The following TG variants were observed in gnomAD, a reference collection of about 807,000 sequenced individuals.
TG encodes thyroid hormones.
Under a neutral mutation model 324.7 loss-of-function variants are expected in TG, and 270 were observed. The ratio of observed to expected loss-of-function variants is 0.83; its 90% confidence interval spans 0.75 to 0.92. The LOEUF is 0.92. Ranked by LOEUF, TG falls within the 40% of genes least tolerant of loss-of-function variation. The probability of loss-of-function intolerance (pLI) is 0.00; values close to 1 mark genes in which losing one functional copy is unlikely to be tolerated. For missense variants in TG, 3,591 were observed against 3,456.4 expected (o/e 1.04, Z -0.98); for synonymous variants, 1,401 against 1,327.0 (o/e 1.06, Z -1.21).
chr8:132,900,856 G>A (rs1817819673), intron 15 of TG, among the ~76,000 whole-genome samples: 1 of 152,184 alleles, frequency 6.6e-6, no homozygotes, highest in Non-Finnish European at 1.5e-5. Context: ...GCTTCAGGGT[G>A]CAGTTGTGAT....
intron 37 of TG, among the ~76,000 whole-genome samples, chr8:133,015,354 A>G (rs1834928378): frequency 6.6e-6 from 1 of 152,246 alleles, no homozygotes; most frequent in African/African-American, 2.4e-5. Context: ...ACTTTCACAC[A>G]GACGTTATTT....
At chr8:133,047,577 C>A in intron 41 of TG, 2 of 516,900 alleles carry the variant, frequency 3.9e-6, no homozygotes, top group Non-Finnish European at 3.5e-6. Context: ...GGAAAAATTT[C>A]CAGCAGGAGT....
chr8:133,021,160 C>G (rs1017611075), intron 39 of TG, among the ~76,000 whole-genome samples: 9 of 152,194 alleles, frequency 5.9e-5, no homozygotes, highest in Non-Finnish European at 1.5e-5. Flanking sequence ...CTTCACCTGT[C>G]AAATGTGGAT....
chr8:132,893,850 G>T lies in TG; in HGVS notation c.2922G>T (p.Pro974=). 2 of 1,614,018 alleles carry T rather than the reference G, an allele frequency of 1.2e-6. No individual in the cohort carries two copies. Among genetic ancestry groups the T allele is most frequent in the African/African-American group, 1.3e-5 (1 of 74,996 alleles). ...RLRNEDLGLP[P]LFPPREAFAE... is the part of the protein sequence containing the mutation. ...GGAATGAGGACCTCGGCCTTCCTCCGCTCTTCCCGCCCCGGGAGGCTTTCG... is the reference window on the plus strand; with the variant it reads ...GGAATGAGGACCTCGGCCTTCCTCCTCTCTTCCCGCCCCGGGAGGCTTTCG... The change falls in exon 11 of 48, where the codon CCG becomes CCT. Residue 974 remains proline (P), a synonymous_variant. Coordinates refer to ENST00000220616, the MANE Select transcript of TG (RefSeq NM_003235.5).
At chr8:133,126,860 G>A (rs1022793089) in intron 45 of TG, among the ~76,000 whole-genome samples, 6 of 151,972 alleles carry the variant, frequency 3.9e-5, no homozygotes, top group Admixed American at 2.0e-4. Context: ...ATTCCTCCCC[G>A]TTCCCTAATT....
intron 20 of TG, among the ~76,000 whole-genome samples, chr8:132,915,624 G>A (rs1820183947): frequency 6.6e-6 from 1 of 152,194 alleles, no homozygotes; most frequent in South Asian, 2.1e-4. Context: ...CCTGTAAAGG[G>A]CCAGATGGCG....
chr8:132,869,767 G>A lies in TG; in HGVS notation c.215G>A (p.Cys72Tyr), dbSNP rs1435298716. 6.2e-7 allele frequency: 1 copy of A among 1,614,194 alleles called. No individual in the cohort carries two copies. The highest frequency in any genetic ancestry group is 1.7e-5 in the Admixed American group (1 of 60,034). ...QCQNDGRSCW[C>Y]VGANGSEVLG... ...CAGAACGACGGCCGCTCCTGCTGGT[G>A]TGTGGGTGCCAACGGCAGTGAAGTG... The change falls in exon 3 of 48, where the codon TGT becomes TAT. Residue 72 changes from cysteine to tyrosine, a missense_variant. Transcript: ENST00000220616.
intron 41 of TG, chr8:133,076,585 G>A (rs1844899819): frequency 6.6e-6 from 1 of 152,124 alleles, no homozygotes; most frequent in African/African-American, 2.4e-5. Flanking sequence ...AATTCACACA[G>A]AGGAGTAAAA....
Position 133,095,150 on chromosome 8 carries a change from A to G in TG, c.7346A>G (p.Glu2449Gly). 2 of 1,614,230 alleles carry G rather than the reference A, an allele frequency of 1.2e-6. No individual in the cohort carries two copies. Among genetic ancestry groups the G allele is most frequent in the Non-Finnish European group, 1.7e-6 (2 of 1,180,032 alleles). The change falls in exon 42 of 48, where the codon GAA becomes GGA. Residue 2449 changes from glutamate to glycine, a missense_variant. Glu to Gly is a moderately conservative substitution (Grantham distance 98). Coordinates refer to ENST00000220616, the MANE Select transcript of TG (RefSeq NM_003235.5). ...EVSCPMSSSQ[E>G]VVSCLRQKPA... ...AGTTGCCCCATGTCATCCAGCCAAGAAGTGGTGTCCTGCCTCCGCCAGAAG... is the reference window on the plus strand; with the variant it reads ...AGTTGCCCCATGTCATCCAGCCAAGGAGTGGTGTCCTGCCTCCGCCAGAAG...
intron 41 of TG, among the ~76,000 whole-genome samples, chr8:133,057,169 T>C (rs1564129448): frequency 6.6e-6 from 1 of 151,440 alleles, no homozygotes; most frequent in Admixed American, 6.6e-5. Flanking sequence ...TCTGTGCTGC[T>C]GCCTCTGTTG....
intron 34 of TG, among the ~76,000 whole-genome samples, chr8:132,982,675 G>A (rs1307763991): frequency 2.0e-5 from 3 of 152,134 alleles, no homozygotes; most frequent in African/African-American, 7.2e-5. Context: ...CTTATGCCTG[G>A]CACAGTGCCA....
At chr8:132,978,603 C>T (rs888395180) in intron 34 of TG, among the ~76,000 whole-genome samples, 1 of 152,094 alleles carries the variant, frequency 6.6e-6, no homozygotes, top group African/African-American at 2.4e-5. Context: ...GGTGCTTCTT[C>T]AGAGCATGAG....
intron 29 of TG, among the ~76,000 whole-genome samples, chr8:132,965,897 GAAA>G (rs955763754): frequency 6.6e-6 from 1 of 152,228 alleles, no homozygotes; most frequent in Non-Finnish European, 1.5e-5. Flanking sequence ...CCCAGATTAA[GAAA>G]AGAATCTGGA....
At chr8:132,981,893 G>A (rs931891166) in intron 34 of TG, among the ~76,000 whole-genome samples, 1 of 152,156 alleles carries the variant, frequency 6.6e-6, no homozygotes, top group Non-Finnish European at 1.5e-5. Flanking sequence ...AGAGGCTGGG[G>A]CTTGGCATAT....
intron 45 of TG, among the ~76,000 whole-genome samples, chr8:133,118,082 G>A (rs949117125): frequency 2.6e-5 from 4 of 152,046 alleles, no homozygotes; most frequent in East Asian, 1.9e-4. Flanking sequence ...AATTAGCAAC[G>A]CCCCTAAAGT....
intron 21 of TG, among the ~76,000 whole-genome samples, chr8:132,920,288 C>T (rs776239428): frequency 3.9e-5 from 6 of 152,178 alleles, no homozygotes; most frequent in Non-Finnish European, 7.3e-5. Context: ...TGCATCTCTT[C>T]TTGTTAGTCT....
chr8:133,065,935 G>A (rs980004661), intron 41 of TG, among the ~76,000 whole-genome samples: 6 of 152,136 alleles, frequency 3.9e-5, no homozygotes, highest in Non-Finnish European at 5.9e-5. Flanking sequence ...GGTTTCCAGC[G>A]GGGATGAGGG....
At chr8:132,930,155 C>G (rs1822490371) in intron 23 of TG, among the ~76,000 whole-genome samples, 1 of 152,150 alleles carries the variant, frequency 6.6e-6, no homozygotes. Flanking sequence ...GGTGAGCACA[C>G]TATAGTTTGT....
At chr8:132,974,265 A>G (rs1829924208) in intron 34 of TG, among the ~76,000 whole-genome samples, 1 of 152,112 alleles carries the variant, frequency 6.6e-6, no homozygotes, top group Non-Finnish European at 1.5e-5. Context: ...AAGTGCTGGG[A>G]TTACAGGCGT....
Sources: gnomAD v4.1 joint callset for allele counts (sites outside exome capture counted in the v4.1 genomes callset) on GRCh38, gnomAD v4.1.1 for gene constraint, MANE v1.5 for transcripts, NCBI Gene and HGNC (gene_info 2026-07-23, HGNC 2026-07-21) for gene names.